The following WWOX variants were observed in gnomAD, a reference collection of about 807,000 sequenced individuals.
WWOX encodes WW domain containing oxidoreductase, also known as WW domain-containing oxidoreductase.
WWOX carries 69 observed loss-of-function variants against 46.2 expected under a neutral mutation model. That is an observed-to-expected ratio of 1.49 (90% CI 1.23 to 1.82). The LOEUF (loss-of-function observed/expected upper bound fraction) is 1.82, where lower values mean the gene tolerates loss of function less well. Among genes scored for constraint, WWOX ranks in the 40% most tolerant of loss-of-function variants. The pLI, the probability that WWOX is intolerant of heterozygous loss-of-function variation, is 0.00. For missense variants in WWOX, 919 were observed against 542.6 expected, an observed-to-expected ratio of 1.69 and a Z score of -6.89; for synonymous variants, 359 against 202.6, an observed-to-expected ratio of 1.77 and a Z score of -6.56.
At chr16:78,280,922 A>C (rs2079666687) in intron 5 of WWOX, 1 of 153,308 alleles carries the variant, frequency 6.5e-6, no homozygotes, top group South Asian at 1.9e-4. Flanking sequence ...TCAGCCAACA[A>C]CTGTTCGAGA....
intron 4 of WWOX, among the ~76,000 whole-genome samples, chr16:78,134,356 G>GA (rs2033715671): frequency 6.6e-5 from 10 of 150,484 alleles, no homozygotes; most frequent in Admixed American, 5.3e-4. Context: ...TTTTTTTTTG[G>GA]GTGCAGTGAA....
intron 8 of WWOX, among the ~76,000 whole-genome samples, chr16:78,463,155 G>A (rs986581522): frequency 1.3e-5 from 2 of 152,202 alleles, no homozygotes; most frequent in African/African-American, 4.8e-5. Flanking sequence ...GCATGCCAGA[G>A]TGAAAACGCG....
At chr16:78,753,276 G>A (rs930338744) in intron 8 of WWOX, among the ~76,000 whole-genome samples, 1 of 151,926 alleles carries the variant, frequency 6.6e-6, no homozygotes, top group Non-Finnish European at 1.5e-5. Context: ...CTCCAGCCTG[G>A]GCGACAGACT....
intron 8 of WWOX, among the ~76,000 whole-genome samples, chr16:78,451,778 T>C (rs766721021): frequency 1.3e-5 from 2 of 152,184 alleles, no homozygotes; most frequent in African/African-American, 2.4e-5. Flanking sequence ...CAGACACTTA[T>C]TGTCAAAGAT....
intron 8 of WWOX, among the ~76,000 whole-genome samples, chr16:78,583,585 G>C (rs769344300): frequency 7.9e-5 from 12 of 152,110 alleles, no homozygotes; most frequent in Non-Finnish European, 1.6e-4. Flanking sequence ...GAAATGTCAG[G>C]GTCCCCCATT....
At chr16:78,459,927 C>A (rs144796456) in intron 8 of WWOX, among the ~76,000 whole-genome samples, 1 of 151,588 alleles carries the variant, frequency 6.6e-6, no homozygotes, top group African/African-American at 2.4e-5. Context: ...ACCTCAGCCT[C>A]CCGGGTAGTT....
At chr16:79,006,727 G>C (rs1366451262) in intron 8 of WWOX, among the ~76,000 whole-genome samples, 2 of 152,108 alleles carry the variant, frequency 1.3e-5, no homozygotes, top group East Asian at 1.9e-4. Flanking sequence ...AGGGCAGCTT[G>C]TACCCTTGCG....
chr16:78,401,994 C>T (rs1003286204), intron 6 of WWOX, among the ~76,000 whole-genome samples: 6 of 152,160 alleles, frequency 3.9e-5, no homozygotes, highest in Non-Finnish European at 8.8e-5. Flanking sequence ...CCCCTATGCC[C>T]AGCCAAAATT....
intron 6 of WWOX, among the ~76,000 whole-genome samples, chr16:78,391,435 G>A (rs1437010750): frequency 6.6e-6 from 1 of 152,214 alleles, no homozygotes; most frequent in African/African-American, 2.4e-5. Flanking sequence ...TGAGCAAGTA[G>A]GAGATCCAGA....
At chr16:78,623,669 A>G (rs965923068) in intron 8 of WWOX, among the ~76,000 whole-genome samples, 10 of 151,346 alleles carry the variant, frequency 6.6e-5, no homozygotes, top group Admixed American at 2.0e-4. Context: ...GAAAGGAGCC[A>G]TGATGTTATT....
At chr16:79,047,585 C>T (rs1211688599) in intron 8 of WWOX, among the ~76,000 whole-genome samples, 2 of 149,360 alleles carry the variant, frequency 1.3e-5, no homozygotes, top group African/African-American at 2.5e-5. Context: ...CAGATTACTA[C>T]AAATTTTGTG....
chr16:78,811,184 T>C (rs1207876254), intron 8 of WWOX, among the ~76,000 whole-genome samples: 1 of 152,224 alleles, frequency 6.6e-6, no homozygotes, highest in Non-Finnish European at 1.5e-5. Context: ...CAGTGTTTTG[T>C]GACATTCTTA....
chr16:79,163,884 G>GA lies in WWOX; in HGVS notation c.1057-47711dup, dbSNP rs10671742. Among the ~76,000 whole-genome samples the GA allele has an allele frequency of 6.5e-3, 885 of 136,404 alleles. 7 individuals carry two copies. The highest frequency in any genetic ancestry group is 0.016 in the African/African-American group (588 of 36,322). The allele number at this position is 136,404 out of a possible 152,430, so 89.5% of individuals were successfully genotyped here. A position where few individuals can be genotyped will look rare whatever the true frequency, so the allele number is the denominator to read the frequency against. ...AAAGCAACAGTAAGGAAGAGAATTG[G>GA]AAAAAAAAAAAAAGGAACTGATCTG... On this transcript the variant is annotated intron_variant, in intron 8 of 8. Transcript: ENST00000566780.
At chr16:78,507,825 T>G (rs1351356092) in intron 8 of WWOX, among the ~76,000 whole-genome samples, 1 of 152,122 alleles carries the variant, frequency 6.6e-6, no homozygotes, top group African/African-American at 2.4e-5. Context: ...TCCTCCGAAT[T>G]CGCACCTGTT....
At position 79,017,561 on chromosome 16, in the gene WWOX, G is replaced by A. The variant is rs371057045; in HGVS notation, c.1057-194047G>A. The A allele has an allele frequency of 4.0e-5, 6 of 150,794 alleles. No homozygotes were observed. The South Asian group carries it at 6.3e-4, about 16-fold the overall frequency. The allele number at this position is 150,794 out of a possible 1,614,324, so 9.3% of individuals were successfully genotyped here. A position where few individuals can be genotyped will look rare whatever the true frequency, so the allele number is the denominator to read the frequency against. The stretch of plus-strand genomic sequence containing the variant: ...TTTCAGGCTTTGCAGGCCCTATGAC[G>A]TCTGTCACAATTCACTTCTGCCTTT... On this transcript the variant is annotated intron_variant, in intron 8 of 8. Coordinates refer to ENST00000566780, the MANE Select transcript of WWOX (RefSeq NM_016373.4).
At chr16:78,932,979 C>G (rs1472626611) in intron 8 of WWOX, among the ~76,000 whole-genome samples, 2 of 152,208 alleles carry the variant, frequency 1.3e-5, no homozygotes, top group Non-Finnish European at 2.9e-5. Flanking sequence ...AATCAATAGA[C>G]CACGTCCTGT....
chr16:79,088,449 T>C (rs988962597), intron 8 of WWOX, among the ~76,000 whole-genome samples: 4 of 152,198 alleles, frequency 2.6e-5, no homozygotes, highest in African/African-American at 9.6e-5. Context: ...GGCAGCCTGA[T>C]GAGCACAGGT....
At chr16:78,780,785 T>C (rs1263184205) in intron 8 of WWOX, among the ~76,000 whole-genome samples, 2 of 152,080 alleles carry the variant, frequency 1.3e-5, no homozygotes, top group Non-Finnish European at 2.9e-5. Context: ...ATGGCTAGCA[T>C]AGGATGGGAT....
chr16:78,676,001 C>T (rs1331884388), intron 8 of WWOX, among the ~76,000 whole-genome samples: 21 of 152,004 alleles, frequency 1.4e-4, no homozygotes, highest in Admixed American at 1.3e-3. Flanking sequence ...AAAGGGAAAG[C>T]ATATGATCTA....
Sources: gnomAD v4.1 joint callset for allele counts (sites outside exome capture counted in the v4.1 genomes callset) on GRCh38, gnomAD v4.1.1 for gene constraint, MANE v1.5 for transcripts, NCBI Gene and HGNC (gene_info 2026-07-23, HGNC 2026-07-21) for gene names.